The following DIP2A variants were observed in gnomAD, a reference collection of about 807,000 sequenced individuals.
DIP2A encodes DIP2 acetate--CoA ligase A, also known as disco-interacting protein 2 homolog A.
DIP2A carries 85 observed loss-of-function variants against 177.4 expected under a neutral mutation model. The ratio of observed to expected loss-of-function variants is 0.48; its 90% CI spans 0.40 to 0.57. DIP2A has a LOEUF of 0.57. DIP2A is among the 20% of genes least tolerant of loss of function. The pLI is 0.00. For missense variants in DIP2A, 1,791 were observed against 2,100.2 expected, an observed-to-expected ratio of 0.85 and a Z score of 2.88; for synonymous variants, 886 against 881.8, an observed-to-expected ratio of 1.00 and a Z score of -0.08.
intron 6 of DIP2A, among the ~76,000 whole-genome samples, chr21:46,508,508 G>A (rs2058137457): frequency 6.6e-6 from 1 of 151,000 alleles, no homozygotes; most frequent in African/African-American, 2.4e-5. Flanking sequence ...ACAGGCGCCC[G>A]CCACCACACC....
At position 46,460,995 on chromosome 21, in the gene DIP2A, G is replaced by A. The variant is rs181087084; in HGVS notation, c.91+1773G>A. Among the ~76,000 whole-genome samples the A allele has an allele frequency of 3.9e-5, 6 of 151,948 alleles. No individual in the cohort carries two copies. In the East Asian group the frequency reaches 1.2e-3, roughly 30 times the overall value. On this transcript the variant is annotated intron_variant, in intron 1 of 37. Transcript: ENST00000417564. ...AGGCATGAGCCACCGTGCCTGGCTT[G>A]TGGCACATTTTTAAAAATGGAAGTA...
intron 8 of DIP2A, among the ~76,000 whole-genome samples, chr21:46,515,451 T>C (rs1262361410): frequency 7.6e-6 from 1 of 132,378 alleles, no homozygotes; most frequent in Admixed American, 7.8e-5. Context: ...ACACACTTCC[T>C]CTTTTTTTTT....
At chr21:46,579,835 C>A in the DIP2A span, among the ~76,000 whole-genome samples, 2 of 152,046 alleles carry the variant, frequency 1.3e-5, no homozygotes, top group South Asian at 2.1e-4. Flanking sequence ...AATTTCAGTT[C>A]TTTTGAATTT....
At chr21:46,474,938 A>G (rs1231405597) in intron 1 of DIP2A, among the ~76,000 whole-genome samples, 1 of 152,176 alleles carries the variant, frequency 6.6e-6, no homozygotes, top group Non-Finnish European at 1.5e-5. Flanking sequence ...GTGGAGGAGG[A>G]TGGGAGGTGG....
intron 8 of DIP2A, among the ~76,000 whole-genome samples, chr21:46,522,437 G>A (rs1476814904): frequency 6.6e-6 from 1 of 152,154 alleles, no homozygotes; most frequent in Non-Finnish European, 1.5e-5. Context: ...CAGCTGGAAG[G>A]CAAAGCAGAT....
At chr21:46,536,486 C>T (rs1401051779) in intron 13 of DIP2A, among the ~76,000 whole-genome samples, 4 of 152,214 alleles carry the variant, frequency 2.6e-5, no homozygotes, top group Non-Finnish European at 2.9e-5. Flanking sequence ...TGCCGGATCA[C>T]GGCCTCTGGG....
rs201341907 is a variant in DIP2A at position 46,462,597 on chromosome 21, G to GT, written c.91+3378dup. 2.6e-5 allele frequency: 4 copies of GT among 152,154 alleles called. No homozygotes were observed. In the East Asian group the frequency reaches 7.7e-4, roughly 29 times the overall value. The allele number at this position is 152,154 out of a possible 1,614,324, so 9.4% of individuals were successfully genotyped here. A position where few individuals can be genotyped will look rare whatever the true frequency, so the allele number is the denominator to read the frequency against. Reference sequence around the variant, plus strand: ...TAGTCCTAAAACAACCAACATTAGTGTTTCATTGTTATAATTTTTATATAT... The same window carrying GT: ...TAGTCCTAAAACAACCAACATTAGTGTTTTCATTGTTATAATTTTTATATAT... On this transcript the variant is annotated intron_variant, in intron 1 of 37. Transcript: ENST00000417564.
rs2058719817 is a variant in DIP2A at position 46,519,337 on chromosome 21, G to A, written c.1102+7723G>A. 2.0e-5 allele frequency among the ~76,000 whole-genome samples: 3 copies of A among 152,222 alleles called. No homozygotes were observed. The South Asian group carries it at 6.2e-4, about 32-fold the overall frequency. On this transcript the variant is annotated intron_variant, in intron 8 of 37. Transcript: ENST00000417564. ...TGTGACTTAGAATGCCTAACTTCTGGGGGTGCAGCCCAGCAGATCTCAGCC... is the reference window on the plus strand; with the variant it reads ...TGTGACTTAGAATGCCTAACTTCTGAGGGTGCAGCCCAGCAGATCTCAGCC...
At chr21:46,477,567 GTATTTC>G (rs1423711821) in intron 1 of DIP2A, among the ~76,000 whole-genome samples, 2 of 115,230 alleles carry the variant, frequency 1.7e-5, no homozygotes, top group East Asian at 2.6e-4. Context: ...GTGTGTGTGT[GTATTTC>G]TTTTTTTTTT....
At chr21:46,464,691 G>A (rs975806591) in intron 1 of DIP2A, among the ~76,000 whole-genome samples, 1 of 152,052 alleles carries the variant, frequency 6.6e-6, no homozygotes, top group African/African-American at 2.4e-5. Context: ...TGTCTGGAAC[G>A]CATTCCTGAT....
intron 8 of DIP2A, among the ~76,000 whole-genome samples, chr21:46,515,278 G>A (rs1388472068): frequency 6.6e-6 from 1 of 152,210 alleles, no homozygotes; most frequent in Admixed American, 6.5e-5. Flanking sequence ...CTTAAAAACA[G>A]CATTGGGCTT....
chr21:46,474,341 C>T (rs1041209591), intron 1 of DIP2A, among the ~76,000 whole-genome samples: 4 of 152,132 alleles, frequency 2.6e-5, no homozygotes, highest in South Asian at 2.1e-4. Context: ...ATTTGGAAGT[C>T]ATCAGCACAT....
intron 2 of DIP2A, among the ~76,000 whole-genome samples, 156 bp downstream of exon 2, chr21:46,484,984 G>A (rs1226987484): frequency 2.0e-5 from 3 of 152,190 alleles, no homozygotes; most frequent in African/African-American, 4.8e-5. Flanking sequence ...GTCTCGCTGT[G>A]TTGCCCAGGC....
intron 13 of DIP2A, among the ~76,000 whole-genome samples, 180 bp downstream of exon 13, chr21:46,534,867 G>C (rs900485645): frequency 6.6e-6 from 1 of 152,228 alleles, no homozygotes; most frequent in Non-Finnish European, 1.5e-5. Context: ...CAGGGTCTCT[G>C]TGGTTGTGCT....
At chr21:46,552,100 G>A (rs1165010082) in intron 25 of DIP2A, among the ~76,000 whole-genome samples, 196 bp downstream of exon 25, 1 of 152,176 alleles carries the variant, frequency 6.6e-6, no homozygotes, top group Non-Finnish European at 1.5e-5. Flanking sequence ...CTTGTCTGGT[G>A]CGGTTCTCGC....
intron 3 of DIP2A, among the ~76,000 whole-genome samples, chr21:46,492,522 T>TG (rs1185387307): frequency 6.6e-6 from 1 of 152,220 alleles, no homozygotes; most frequent in Admixed American, 6.5e-5. Flanking sequence ...CACTGTTCTG[T>TG]GGGCTCGATT....
chr21:46,471,033 A>T (rs1253631122), intron 1 of DIP2A, among the ~76,000 whole-genome samples: 1 of 151,918 alleles, frequency 6.6e-6, no homozygotes, highest in Non-Finnish European at 1.5e-5. Context: ...GGAAAACTTT[A>T]TTCTGCCAGT....
At chr21:46,574,568 C>G (rs2060981870), downstream of DIP2A, among the ~76,000 whole-genome samples, 1 of 151,868 alleles carries the variant, frequency 6.6e-6, no homozygotes, top group South Asian at 2.1e-4. Context: ...GACATTTTAG[C>G]TAGATGGACC....
In DIP2A at chr21:46,567,642, G is replaced by T. The variant is rs1035406006; in HGVS notation, c.*20G>T. On this transcript the variant is annotated 3_prime_UTR_variant, in exon 38 of 38. Transcript: ENST00000417564. ...ATGTGAGCGCAGCACACCGGCCCAGGTGCCGGAGATGAATGAGCCCCAGCA... is the reference window on the plus strand; with the variant it reads ...ATGTGAGCGCAGCACACCGGCCCAGTTGCCGGAGATGAATGAGCCCCAGCA... 2 of 1,559,942 alleles carry T rather than the reference G, an allele frequency of 1.3e-6. No individual in the cohort carries two copies. Among genetic ancestry groups the T allele is most frequent in the Non-Finnish European group, 1.7e-6 (2 of 1,150,530 alleles).
Sources: allele counts gnomAD v4.1 joint callset (sites outside exome capture counted in the v4.1 genomes callset), GRCh38; gene constraint gnomAD v4.1.1; transcripts MANE v1.5; gene names NCBI Gene and HGNC (gene_info 2026-07-23, HGNC 2026-07-21).